The following CAD variants were observed in gnomAD, a reference collection of about 807,000 sequenced individuals.
The protein encoded by CAD is multifunctional protein CAD.
In CAD, 81 loss-of-function variants were observed where a neutral mutation model predicts 237.2. The ratio of observed to expected loss-of-function variants is 0.34; its 90% confidence interval spans 0.29 to 0.41. The LOEUF (loss-of-function observed/expected upper bound fraction) is 0.41, where lower values mean the gene tolerates loss of function less well. Among genes scored for constraint, CAD ranks in the 10% least tolerant of loss-of-function variants. The pLI, the probability that CAD is intolerant of heterozygous loss-of-function variation, is 1.00. For missense variants in CAD, 2,181 were observed against 2,951.7 expected, an observed-to-expected ratio of 0.74 and a Z score of 6.05; for synonymous variants, 1,196 against 1,162.8, an observed-to-expected ratio of 1.03 and a Z score of -0.58.
intron 15 of CAD, among the ~76,000 whole-genome samples, chr2:27,229,986 C>T (rs548715711): frequency 6.6e-6 from 1 of 152,102 alleles, no homozygotes; most frequent in South Asian, 2.1e-4. Context: ...GCCTGTAATC[C>T]CAGCACTTTG....
intron 10 of CAD, 48 bp from the exon 11 acceptor site, chr2:27,224,962 C>T (rs771984144): frequency 1.3e-5 from 21 of 1,606,748 alleles, no homozygotes; most frequent in Non-Finnish European, 1.6e-5. Context: ...TTGATTGCCT[C>T]TCTACCCACA....
rs115735663 is a variant in CAD at position 27,240,612 on chromosome 2, C to T, written c.5593+251C>T. The T allele has an allele frequency of 5.6e-4, 858 of 1,543,656 alleles. 6 individuals carry two copies. In the African/African-American group the frequency reaches 0.01, roughly 18 times the overall value. On this transcript the variant is annotated intron_variant, in intron 35 of 43. Transcript: ENST00000264705. This position sits in a 1 kb window ranked among gnomAD's most constrained non-coding sequence, Gnocchi z 4.6. The stretch of plus-strand genomic sequence containing the variant: ...GCTGGGATCCCACGGGGCAGCAGAG[C>T]GTGGGGTAAATCCAGGTTGTTGGTT...
chr2:27,243,057 G>T, intron 42 of CAD, 84 bp downstream of exon 42: 1 of 1,365,072 alleles, frequency 7.3e-7, no homozygotes, highest in South Asian at 1.3e-5. Context: ...CTGAGGGCTG[G>T]GTCAGAGCTG....
chr2:27,226,846 G>T lies in CAD; in HGVS notation c.2171G>T (p.Gly724Val), dbSNP rs777961046. 1.2e-6 allele frequency: 2 copies of T among 1,614,172 alleles called. No individual in the cohort carries two copies. The highest frequency in any genetic ancestry group is 1.1e-5 in the South Asian group (1 of 91,084). ...CTGGACCCCAGGAACTCTGTGACAG[G>T]GGGTACAGCAGCCTTTGAACCCAGC... ...PLPELRNSVT[G>V]GTAAFEPSVD... The change falls in exon 15 of 44, where the codon GGG (glycine) becomes GTG (valine). Residue 724 changes from glycine to valine, a missense_variant. This residue lies in a region of CAD where 385 missense variants were observed against 535.1 expected (regional missense o/e 0.72). Transcript: ENST00000264705.
At position 27,224,822 on chromosome 2, in the gene CAD, G is replaced by A. The variant is rs1370697806; in HGVS notation, c.1332G>A (p.Gln444=). The part of the protein sequence containing the change: ...NPNIATVQTS[Q]GLADKVYFLP... ...ATATTGCCACAGTGCAGACCTCCCA[G>A]GGGCTGGCCGACAAGGTCTATTTTC... The change falls in exon 10 of 44, where the codon CAG becomes CAA. Residue 444 remains glutamine (Q), a synonymous_variant. Transcript: ENST00000264705. 6.2e-7 allele frequency: 1 copy of A among 1,614,084 alleles called. No individual in the cohort carries two copies. The highest frequency in any genetic ancestry group is 8.5e-7 in the Non-Finnish European group (1 of 1,180,022).
In CAD at chr2:27,233,927, C is replaced by A; in HGVS notation, c.3400-81C>A. On this transcript the variant is annotated intron_variant, in intron 21 of 43. Coordinates refer to ENST00000264705, the MANE Select transcript of CAD (RefSeq NM_004341.5). The surrounding 1 kb of genome is among the most constrained non-coding windows in gnomAD (Gnocchi z 6.3). ...GCTGGGAACAGTGGGCTATGTGGGG[C>A]TCGTTAAAGGAAGAGACAATCCTAG... is the stretch of plus-strand genomic sequence containing the variant. The A allele has an allele frequency of 6.5e-7, 1 of 1,541,066 alleles. No homozygotes were observed. The highest frequency in any genetic ancestry group is 8.9e-7 in the Non-Finnish European group (1 of 1,121,726).
Position 27,239,942 on chromosome 2 carries a change from T to A in CAD, c.5496+144T>A. The A allele has an allele frequency of 3.1e-6, 2 of 651,284 alleles. No homozygotes were observed. The highest frequency in any genetic ancestry group is 5.8e-5 in the East Asian group (2 of 34,330). 40.3% of individuals were successfully genotyped at this position (651,284 alleles called of 1,614,324 possible). On this transcript the variant is annotated intron_variant, in intron 34 of 43. Coordinates refer to ENST00000264705, the MANE Select transcript of CAD (RefSeq NM_004341.5). This position sits in a 1 kb window ranked among gnomAD's most constrained non-coding sequence, Gnocchi z 4.0. ...GAAGTGGGGTTGGGTCAATTATTTT[T>A]TTAAAATGCTGGGCCAGGCCAGATG...
Position 27,241,046 on chromosome 2 carries a change from C to G in CAD, c.5639-12C>G. 3 of 1,612,820 alleles carry G rather than the reference C, an allele frequency of 1.9e-6. No homozygotes were observed. Among genetic ancestry groups the G allele is most frequent in the Non-Finnish European group, 2.5e-6 (3 of 1,179,164 alleles). ...CTCTGACCAGCCTTTTCTGCCCCAT[C>G]CCTCACTGCAGAGCTGATGGGAACC... is the stretch of plus-strand genomic sequence containing the variant. On this transcript the variant is annotated splice_polypyrimidine_tract_variant and intron_variant, in intron 36 of 43. Coordinates refer to ENST00000264705, the MANE Select transcript of CAD (RefSeq NM_004341.5). This position sits in a 1 kb window ranked among gnomAD's most constrained non-coding sequence, Gnocchi z 4.6.
At chr2:27,228,454 C>T (rs1038718738) in intron 15 of CAD, among the ~76,000 whole-genome samples, 1 of 152,164 alleles carries the variant, frequency 6.6e-6, no homozygotes, top group Non-Finnish European at 1.5e-5. Flanking sequence ...AGTCCAGGCA[C>T]GGTGGTTGTA....
chr2:27,217,702 C>G, intron 1 of CAD, 69 bp downstream of exon 1: 2 of 1,434,994 alleles, frequency 1.4e-6, no homozygotes, highest in Middle Eastern at 1.8e-4. Context: ...CAACCTTCCC[C>G]GTCCAGACCC....
At position 27,225,822 on chromosome 2, in the gene CAD, C is replaced by T. The variant is rs770495043; in HGVS notation, c.1738C>T (p.Pro580Ser). 3 of 1,614,086 alleles carry T rather than the reference C, an allele frequency of 1.9e-6. No homozygotes were observed. The highest frequency in any genetic ancestry group is 1.3e-5 in the African/African-American group (1 of 74,928). The change falls in exon 12 of 44, where the codon CCA becomes TCA. Residue 580 changes from proline (P) to serine (S), a missense_variant. By Grantham distance (74) the Pro-to-Ser change is moderately conservative. Transcript: ENST00000264705. ...GGAGGAGCTCTCTGCTCTCGTGGCC[C>T]CAGCTTTTGCCCATACCAGCCAAGT... The part of the protein sequence containing the change: ...NREELSALVA[P>S]AFAHTSQVLV...
At position 27,241,110 on chromosome 2, in the gene CAD, A is replaced by G; in HGVS notation, c.5691A>G (p.Arg1897=). The change falls in exon 37 of 44, where the codon AGA becomes AGG. Residue 1897 remains arginine (R), a synonymous_variant. Coordinates refer to ENST00000264705, the MANE Select transcript of CAD (RefSeq NM_004341.5). The surrounding 1 kb of genome is among the most constrained non-coding windows in gnomAD (Gnocchi z 4.6). ...GCTACCCTCCACCACCAGTACCGAG[A>G]CAGGCATCTCCCCAGAACCTGGGGA... ...GTCYPPPPVP[R]QASPQNLGTP... 6.2e-7 allele frequency: 1 copy of G among 1,609,414 alleles called. No individual in the cohort carries two copies. The highest frequency in any genetic ancestry group is 8.5e-7 in the Non-Finnish European group (1 of 1,178,002).
At position 27,225,762 on chromosome 2, in the gene CAD, C is replaced by T; in HGVS notation, c.1678C>T (p.Leu560=). Residue 560 remains leucine (L), a synonymous_variant, in exon 12 of 44, where the codon CTG becomes TTG. Coordinates refer to ENST00000264705, the MANE Select transcript of CAD (RefSeq NM_004341.5). The part of the protein sequence containing the change: ...YPVLVRAAFA[L]GGLGSGFASN... ...TGTGCTAGTGCGTGCAGCCTTTGCC[C>T]TGGGTGGCCTGGGCTCTGGCTTTGC... 3 of 1,614,240 alleles carry T rather than the reference C, an allele frequency of 1.9e-6. No homozygotes were observed. Among genetic ancestry groups the T allele is most frequent in the Non-Finnish European group, 2.5e-6 (3 of 1,180,046 alleles).
Position 27,240,323 on chromosome 2 carries a change from C to T in CAD, c.5555C>T (p.Pro1852Leu), listed in dbSNP as rs1253759155. The T allele has an allele frequency of 1.9e-6, 3 of 1,614,120 alleles. No individual in the cohort carries two copies. Among genetic ancestry groups the T allele is most frequent in the East Asian group, 2.2e-5 (1 of 44,890 alleles). The change falls in exon 35 of 44, where the codon CCG (proline) becomes CTG (leucine). Residue 1852 changes from proline (P) to leucine (L), a missense_variant. This residue lies in a region of CAD where 203 missense variants were observed against 284.5 expected (regional missense o/e 0.71). Coordinates refer to ENST00000264705, the MANE Select transcript of CAD (RefSeq NM_004341.5). This position sits in a 1 kb window ranked among gnomAD's most constrained non-coding sequence, Gnocchi z 4.6. ...CTTCCTGATGGCCGCTTCCATCTGCCGCCCCGAATCCATCGAGCCTCCGAC... is the reference window on the plus strand; with the variant it reads ...CTTCCTGATGGCCGCTTCCATCTGCTGCCCCGAATCCATCGAGCCTCCGAC... ...PGLPDGRFHLPPRIHRASDPG... is the reference protein window; with the variant it reads ...PGLPDGRFHLLPRIHRASDPG...
intron 4 of CAD, 88 bp from the exon 5 acceptor site, chr2:27,222,431 G>A: frequency 6.4e-7 from 1 of 1,568,928 alleles, no homozygotes; most frequent in Non-Finnish European, 8.7e-7. Flanking sequence ...AATCAAAGGA[G>A]GCTTTGAAGG....
rs1676260604 is a variant in CAD at position 27,240,442 on chromosome 2, ACATGTCCTCCTCTCCATCC to A, written c.5593+83_5593+101del. The A allele has an allele frequency of 6.7e-7, 1 of 1,489,740 alleles. No individual in the cohort carries two copies. Among genetic ancestry groups the A allele is most frequent in the Non-Finnish European group, 9.4e-7 (1 of 1,067,378 alleles). 92.3% of individuals were successfully genotyped at this position (1,489,740 alleles called of 1,614,324 possible). On this transcript the variant is annotated intron_variant, in intron 35 of 43. Coordinates refer to ENST00000264705, the MANE Select transcript of CAD (RefSeq NM_004341.5). The surrounding 1 kb of genome is among the most constrained non-coding windows in gnomAD (Gnocchi z 4.6). Reference sequence around the variant, plus strand: ...CCCAGTGCCTCGCCTTTCTCTACTTACATGTCCTCCTCTCCATCCCTTTATCCTCGTCTGATCTGCCGTG... The same window carrying A: ...CCCAGTGCCTCGCCTTTCTCTACTTACTTTATCCTCGTCTGATCTGCCGTG...
At chr2:27,223,451 AAG>A in intron 6 of CAD, 110 bp from the exon 7 acceptor site, 1 of 1,014,790 alleles carries the variant, frequency 9.9e-7, no homozygotes, top group Non-Finnish European at 1.5e-6. Flanking sequence ...AAAAAACAAA[AAG>A]GAAACAGGAG....
chr2:27,241,201 T>A lies in CAD; in HGVS notation c.5782T>A (p.Ser1928Thr). ...LHSLVGQHIL[S>T]VQQFTKDQMS... is the part of the protein sequence containing the mutation. ...CTCATTAGTGGGCCAACATATCCTG[T>A]CCGTCCAGCAGTTCACCAAGGATCA... The change falls in exon 37 of 44, where the codon TCC becomes ACC. Residue 1928 changes from serine to threonine, a missense_variant. By Grantham distance (58) the Ser-to-Thr change is moderately conservative. Coordinates refer to ENST00000264705, the MANE Select transcript of CAD (RefSeq NM_004341.5). This position sits in a 1 kb window ranked among gnomAD's most constrained non-coding sequence, Gnocchi z 4.6. 6.2e-7 allele frequency: 1 copy of A among 1,612,772 alleles called. No individual in the cohort carries two copies. Among genetic ancestry groups the A allele is most frequent in the Non-Finnish European group, 8.5e-7 (1 of 1,179,342 alleles).
At chr2:27,228,183 A>G (rs941301478) in intron 15 of CAD, among the ~76,000 whole-genome samples, 1 of 152,234 alleles carries the variant, frequency 6.6e-6, no homozygotes, top group Non-Finnish European at 1.5e-5. Flanking sequence ...GAGGAGATGA[A>G]CAACACTTTA....
Sources: gnomAD v4.1 joint callset for allele counts (sites outside exome capture counted in the v4.1 genomes callset) on GRCh38, gnomAD v4.1.1 for gene constraint, gnomAD v4.1.1 regional missense constraint, Gnocchi (gnomAD v3.1) non-coding constraint, MANE v1.5 for transcripts, NCBI Gene and HGNC (gene_info 2026-07-23, HGNC 2026-07-21) for gene names.